Variants in ALK observed in about 807,000 individuals in gnomAD.
The protein encoded by ALK is ALK receptor tyrosine kinase.
A neutral mutation model predicts 163.1 loss-of-function variants in ALK; 74 were observed. That is an observed-to-expected ratio of 0.45 (90% CI 0.38 to 0.55). The LOEUF is 0.55. Among genes scored for constraint, ALK ranks in the 20% least tolerant of loss-of-function variants. The probability of loss-of-function intolerance (pLI) is 0.00; values close to 1 mark genes in which losing one functional copy is unlikely to be tolerated. For synonymous variants in ALK, 960 were observed against 843.2 expected (o/e 1.14, Z -2.40); for missense variants, 2,063 against 2,105.3 (o/e 0.98, Z 0.39).
chr2:29,666,972 A>G (rs528794673), intron 3 of ALK, among the ~76,000 whole-genome samples: 1 of 152,188 alleles, frequency 6.6e-6, no homozygotes, highest in South Asian at 2.1e-4. Flanking sequence ...TATTTCACTC[A>G]ACATAACTGT....
At chr2:29,352,791 G>T (rs549249227) in intron 5 of ALK, among the ~76,000 whole-genome samples, 2 of 152,298 alleles carry the variant, frequency 1.3e-5, no homozygotes, top group East Asian at 3.9e-4. Context: ...GTCCAGAAAG[G>T]GTTGAGGGAT....
chr2:29,460,819 A>T (rs1053697663), intron 4 of ALK, among the ~76,000 whole-genome samples: 3 of 152,146 alleles, frequency 2.0e-5, no homozygotes, highest in Non-Finnish European at 4.4e-5. Flanking sequence ...AGGAAGCGTC[A>T]TATGTCTTTA....
chr2:29,583,623 C>T (rs550774881), intron 3 of ALK, among the ~76,000 whole-genome samples: 1 of 152,044 alleles, frequency 6.6e-6, no homozygotes, highest in African/African-American at 2.4e-5. Flanking sequence ...GAGATCCCTG[C>T]TTCTGCCCTC....
chr2:29,876,341 G>C (rs1478400879), intron 1 of ALK, among the ~76,000 whole-genome samples: 1 of 151,970 alleles, frequency 6.6e-6, no homozygotes, highest in East Asian at 1.9e-4. Context: ...TGGTGGTGAT[G>C]GTGATGGTAG....
chr2:29,567,364 T>C lies in ALK; in HGVS notation c.953-35248A>G, dbSNP rs144837594. Among the ~76,000 whole-genome samples, 40 of 152,350 alleles carry C rather than the reference T, an allele frequency of 2.6e-4. No individual in the cohort carries two copies. The East Asian group carries it at 5.8e-3, about 22-fold the overall frequency. On this transcript the variant is annotated intron_variant, in intron 3 of 28. Coordinates refer to ENST00000389048, the MANE Select transcript of ALK (RefSeq NM_004304.5). ...TTTCCAAGAGCCAAGAAGCAGCTTC[T>C]GCCAGTGTTTTCCATCTCATTCCAG... is the stretch of plus-strand genomic sequence containing the variant.
At chr2:29,865,403 G>A (rs1478436362) in intron 1 of ALK, among the ~76,000 whole-genome samples, 4 of 152,168 alleles carry the variant, frequency 2.6e-5, no homozygotes, top group Non-Finnish European at 4.4e-5. Flanking sequence ...TCAGGACCCT[G>A]AGCCCTTCTT....
chr2:29,765,048 C>T (rs797006406), intron 1 of ALK, among the ~76,000 whole-genome samples: 3 of 152,256 alleles, frequency 2.0e-5, no homozygotes, highest in African/African-American at 7.2e-5. Flanking sequence ...ATATGACGTG[C>T]CTGCTTCCCC....
In ALK at chr2:29,713,101, C is replaced by T. The variant is rs1441753567; in HGVS notation, c.787+4477G>A. Among the ~76,000 whole-genome samples, 4 of 152,186 alleles carry T rather than the reference C, an allele frequency of 2.6e-5. No individual in the cohort carries two copies. The East Asian group carries it at 7.7e-4, about 29-fold the overall frequency. On this transcript the variant is annotated intron_variant, in intron 2 of 28. Transcript: ENST00000389048. ...GCCTTCCTCTTAGCTCCCAATGCTG[C>T]CCGCAATCCTTGGTGTTCCTTGGCT...
At chr2:29,417,807 C>A (rs1051165156) in intron 4 of ALK, among the ~76,000 whole-genome samples, 16 of 152,194 alleles carry the variant, frequency 1.1e-4, no homozygotes, top group African/African-American at 3.9e-4. Flanking sequence ...GTGCTCTATT[C>A]TTGCATCTGC....
intron 1 of ALK, among the ~76,000 whole-genome samples, chr2:29,749,353 C>T (rs1680291010): frequency 6.6e-6 from 1 of 152,202 alleles, no homozygotes; most frequent in African/African-American, 2.4e-5. Flanking sequence ...CTTTTCAACC[C>T]ACACTCATTA....
intron 4 of ALK, among the ~76,000 whole-genome samples, chr2:29,420,482 G>T (rs1217169353): frequency 1.3e-5 from 2 of 151,460 alleles, no homozygotes; most frequent in African/African-American, 2.5e-5. Context: ...AACGCATTCT[G>T]GTTGAGGACT....
intron 1 of ALK, among the ~76,000 whole-genome samples, chr2:29,918,840 G>A (rs1458625558): frequency 6.6e-6 from 1 of 152,208 alleles, no homozygotes; most frequent in Admixed American, 6.5e-5. Context: ...TTCTGATGAT[G>A]AGAATGATAG....
chr2:29,578,890 T>G (rs1396361962), intron 3 of ALK, among the ~76,000 whole-genome samples: 1 of 152,222 alleles, frequency 6.6e-6, no homozygotes, highest in Non-Finnish European at 1.5e-5. Flanking sequence ...CCCCTGGACC[T>G]GCCCTTCAGA....
chr2:29,592,822 G>A (rs1296294516), intron 3 of ALK, among the ~76,000 whole-genome samples: 1 of 152,154 alleles, frequency 6.6e-6, no homozygotes, highest in Non-Finnish European at 1.5e-5. Flanking sequence ...ATACATATGA[G>A]GAAGGAGCTT....
At chr2:29,419,535 G>T (rs995093576) in intron 4 of ALK, among the ~76,000 whole-genome samples, 1 of 151,408 alleles carries the variant, frequency 6.6e-6, no homozygotes, top group African/African-American at 2.5e-5. Context: ...CCTGAAGATT[G>T]GCTAAAAATG....
chr2:29,613,584 T>A (rs1675756479), intron 3 of ALK, among the ~76,000 whole-genome samples: 1 of 152,308 alleles, frequency 6.6e-6, no homozygotes. Flanking sequence ...AGCCAGGGCG[T>A]ATGTCACACA....
At chr2:29,906,681 G>A (rs1183675345) in intron 1 of ALK, among the ~76,000 whole-genome samples, 1 of 152,142 alleles carries the variant, frequency 6.6e-6, no homozygotes, top group Non-Finnish European at 1.5e-5. Flanking sequence ...CGTGTTATCT[G>A]ACCTCTCTGA....
chr2:29,240,152 CAGAGAGAGAG>C lies in ALK; in HGVS notation c.2205-332_2205-323del, dbSNP rs3054022. On this transcript the variant is annotated intron_variant, in intron 12 of 28. Transcript: ENST00000389048. ...GGAGGGGAGAGAGAGAGGGAAACAG[CAGAGAGAGAG>C]AGAGAGAGAGAGAGAGAGAGGAGAC... Among the ~76,000 whole-genome samples, 27 of 143,410 alleles carry C rather than the reference CAGAGAGAGAG, an allele frequency of 1.9e-4. 1 individual carries two copies. The highest frequency in any genetic ancestry group is 4.1e-4 in the African/African-American group (16 of 38,796). The allele number at this position is 143,410 out of a possible 152,430, so 94.1% of individuals were successfully genotyped here.
chr2:29,870,793 A>T (rs1666558215), intron 1 of ALK, among the ~76,000 whole-genome samples: 1 of 152,190 alleles, frequency 6.6e-6, no homozygotes, highest in Non-Finnish European at 1.5e-5. Context: ...TATCTACTTC[A>T]TACATTTTTG....
Sources: allele counts gnomAD v4.1 joint callset (sites outside exome capture counted in the v4.1 genomes callset), GRCh38; gene constraint gnomAD v4.1.1; transcripts MANE v1.5; gene names NCBI Gene and HGNC (gene_info 2026-07-23, HGNC 2026-07-21).